The following GPRIN3 variants were observed in gnomAD, a reference collection of about 807,000 sequenced individuals.
GPRIN3 encodes the protein G protein-regulated inducer of neurite outgrowth 3.
Under a neutral mutation model 13.7 loss-of-function variants are expected in GPRIN3, and 12 were observed. The ratio of observed to expected loss-of-function variants is 0.87; its 90% CI spans 0.56 to 1.42. The LOEUF (loss-of-function observed/expected upper bound fraction) is 1.42. Among genes scored for constraint, GPRIN3 ranks in the 40% most tolerant of loss-of-function variants. The pLI, the probability that GPRIN3 is intolerant of heterozygous loss-of-function variation, is 0.00. For synonymous variants in GPRIN3, 377 were observed against 372.7 expected (o/e 1.01, Z -0.13); for missense variants, 1,009 against 958.7 (o/e 1.05, Z -0.69).
chr4:89,259,694 G>A lies in GPRIN3; in HGVS notation c.-123-9461C>T, dbSNP rs1345368791. ...TGCCTTTTTCTCTGGCTGCCACACT[G>A]CCCCCCTCTACCACCCCCAACTGTT... On this transcript the variant is annotated intron_variant, in intron 1 of 1. Transcript: ENST00000609438. Among the ~76,000 whole-genome samples, 3 of 151,924 alleles carry A rather than the reference G, an allele frequency of 2.0e-5. No individual in the cohort carries two copies. The East Asian group carries it at 5.8e-4, about 29-fold the overall frequency.
At chr4:89,289,998 G>C (rs185950495) in intron 1 of GPRIN3, among the ~76,000 whole-genome samples, 13 of 151,636 alleles carry the variant, frequency 8.6e-5, no homozygotes, top group African/African-American at 3.1e-4. Context: ...ACTATTCTCA[G>C]TGTTTTTGTT....
At position 89,286,095 on chromosome 4, in the gene GPRIN3, A is replaced by G. The variant is rs201300995; in HGVS notation, c.-124+21520T>C. Among the ~76,000 whole-genome samples, 440 of 105,750 alleles carry G rather than the reference A, an allele frequency of 4.2e-3. 6 individuals carry two copies. Among genetic ancestry groups the G allele is most frequent in the Middle Eastern group, 0.015 (3 of 206 alleles). 69.4% of individuals were successfully genotyped at this position (105,750 alleles called of 152,430 possible). A position where few individuals can be genotyped will look rare whatever the true frequency, so the allele number is the denominator to read the frequency against. ...TGTGTACGTGTATGTGTGTGTGTATATATATATATATATATATATGTAAAC... is the reference window on the plus strand; with the variant it reads ...TGTGTACGTGTATGTGTGTGTGTATGTATATATATATATATATATGTAAAC... On this transcript the variant is annotated intron_variant, in intron 1 of 1. Coordinates refer to ENST00000609438, the MANE Select transcript of GPRIN3 (RefSeq NM_198281.3).
intron 1 of GPRIN3, among the ~76,000 whole-genome samples, chr4:89,296,273 A>G (rs1209250989): frequency 2.0e-5 from 3 of 152,156 alleles, no homozygotes; most frequent in Non-Finnish European, 2.9e-5. Context: ...AGAAAAAAAA[A>G]TCAATTGCTA....
At chr4:89,277,653 C>G (rs987051993) in intron 1 of GPRIN3, among the ~76,000 whole-genome samples, 1 of 152,180 alleles carries the variant, frequency 6.6e-6, no homozygotes, top group Non-Finnish European at 1.5e-5. Flanking sequence ...GTGTCTGAGC[C>G]TTCTGGGCCC....
In GPRIN3 at chr4:89,249,537, G is replaced by C; in HGVS notation, c.574C>G (p.Pro192Ala). Reference protein sequence around the residue: ...KDQVSCEFPSPETIQGTVQTP... With the variant: ...KDQVSCEFPSAETIQGTVQTP... Reference sequence around the variant, plus strand: ...TGCACTGTTCCCTGGATTGTTTCTGGAGAAGGAAACTCACAGGACACCTGA... The same window carrying C: ...TGCACTGTTCCCTGGATTGTTTCTGCAGAAGGAAACTCACAGGACACCTGA... Residue 192 changes from proline to alanine, a missense_variant, in exon 2 of 2, where the codon CCA (proline) becomes GCA (alanine). Pro to Ala is a conservative substitution (Grantham distance 27, BLOSUM62 -1). Coordinates refer to ENST00000609438, the MANE Select transcript of GPRIN3 (RefSeq NM_198281.3). 6.2e-7 allele frequency: 1 copy of C among 1,614,140 alleles called. No homozygotes were observed. Among genetic ancestry groups the C allele is most frequent in the East Asian group, 2.2e-5 (1 of 44,886 alleles).
At chr4:89,283,784 G>A (rs866430802) in intron 1 of GPRIN3, among the ~76,000 whole-genome samples, 3 of 152,182 alleles carry the variant, frequency 2.0e-5, no homozygotes, top group African/African-American at 7.2e-5. Context: ...TAGATATACA[G>A]GCAGCCTACT....
Position 89,248,140 on chromosome 4 carries a change from T to C in GPRIN3, c.1971A>G (p.Gly657=). The part of the protein sequence containing the change: ...LNVTAAAAQV[G]LTPGDKKKQL... ...GCTTTTTCTTATCTCCTGGAGTGAG[T>C]CCTACCTGAGCAGCAGCTGCTGTCA... is the stretch of plus-strand genomic sequence containing the variant. Residue 657 remains glycine, a synonymous_variant, in exon 2 of 2, where the codon GGA becomes GGG. Coordinates refer to ENST00000609438, the MANE Select transcript of GPRIN3 (RefSeq NM_198281.3). 6.2e-7 allele frequency: 1 copy of C among 1,613,960 alleles called. No homozygotes were observed. The highest frequency in any genetic ancestry group is 8.5e-7 in the Non-Finnish European group (1 of 1,179,980).
chr4:89,285,905 G>C (rs1385141634), intron 1 of GPRIN3, among the ~76,000 whole-genome samples: 2 of 152,072 alleles, frequency 1.3e-5, no homozygotes, highest in Non-Finnish European at 2.9e-5. Context: ...TTTATCCTCA[G>C]GGGAAAGAGA....
At position 89,249,291 on chromosome 4, in the gene GPRIN3, G is replaced by A; in HGVS notation, c.820C>T (p.Pro274Ser). Reference protein sequence around the residue: ...TPQPTPLTSEPSACPPGPEKV... With the variant: ...TPQPTPLTSESSACPPGPEKV... The stretch of plus-strand genomic sequence containing the variant: ...TCTGGACCTGGGGGACATGCCGAAG[G>A]TTCGCTAGTGAGGGGGGTTGGTTGA... The change falls in exon 2 of 2, where the codon CCT (proline) becomes TCT (serine). Residue 274 changes from proline (P) to serine (S), a missense_variant. Pro to Ser is a moderately conservative substitution (Grantham distance 74). Transcript: ENST00000609438. The A allele has an allele frequency of 1.2e-6, 2 of 1,614,104 alleles. No individual in the cohort carries two copies. The highest frequency in any genetic ancestry group is 1.7e-6 in the Non-Finnish European group (2 of 1,180,032).
At chr4:89,257,907 A>T (rs922432969) in intron 1 of GPRIN3, among the ~76,000 whole-genome samples, 1 of 152,102 alleles carries the variant, frequency 6.6e-6, no homozygotes, top group African/African-American at 2.4e-5. Context: ...TGGACATTTT[A>T]AGAGCCATAG....
intron 1 of GPRIN3, among the ~76,000 whole-genome samples, chr4:89,270,078 TA>T (rs1471582091): frequency 6.6e-6 from 1 of 152,094 alleles, no homozygotes; most frequent in African/African-American, 2.4e-5. Context: ...ATGTTAAAGT[TA>T]CCAAAACAGA....
rs776420209 is a variant in GPRIN3 at position 89,248,127 on chromosome 4, C to T, written c.1984G>A (p.Asp662Asn). 1 of 1,614,176 alleles carries T rather than the reference C, an allele frequency of 6.2e-7. No homozygotes were observed. The highest frequency in any genetic ancestry group is 1.1e-5 in the South Asian group (1 of 91,086). Residue 662 changes from aspartate to asparagine, a missense_variant, in exon 2 of 2, where the codon GAT becomes AAT. Physicochemically the swap from Asp to Asn is conservative, Grantham distance 23. Transcript: ENST00000609438. ...TCTGCGCCAAGCTGCTTTTTCTTAT[C>T]TCCTGGAGTGAGTCCTACCTGAGCA... ...AAAQVGLTPG[D>N]KKKQLGADSK...
At chr4:89,294,284 C>A (rs1724671039) in intron 1 of GPRIN3, among the ~76,000 whole-genome samples, 1 of 152,164 alleles carries the variant, frequency 6.6e-6, no homozygotes, top group East Asian at 1.9e-4. Flanking sequence ...TGGTGGCTCA[C>A]ATTTGTAATC....
rs773911311 is a variant in GPRIN3, at chr4:89,250,010, C to T, written c.101G>A (p.Arg34Gln). ...DLGEPQAASP[R>Q]HRPALLCKNA... ...CTTACACAGGAGAGCTGGTCGATGC[C>T]GAGGTGAGGCAGCCTGTGGCTCTCC... The change falls in exon 2 of 2, where the codon CGG (arginine) becomes CAG (glutamine). Residue 34 changes from arginine to glutamine, a missense_variant. Arg to Gln is a conservative substitution (Grantham distance 43). Coordinates refer to ENST00000609438, the MANE Select transcript of GPRIN3 (RefSeq NM_198281.3). 13 of 1,614,046 alleles carry T rather than the reference C, an allele frequency of 8.1e-6. No individual in the cohort carries two copies. The highest frequency in any genetic ancestry group is 2.2e-5 in the South Asian group (2 of 91,082).
rs548856009 is a variant in GPRIN3, at chr4:89,269,023, T to C, written c.-123-18790A>G. Among the ~76,000 whole-genome samples, 7 of 152,290 alleles carry C rather than the reference T, an allele frequency of 4.6e-5. No individual in the cohort carries two copies. The East Asian group carries it at 9.6e-4, about 21-fold the overall frequency. On this transcript the variant is annotated intron_variant, in intron 1 of 1. Transcript: ENST00000609438. ...AAAGGAGAAGCTCATGAGTTTGAGG[T>C]ATGATTGATATGCATGGCTATGAAG...
chr4:89,250,613 A>G (rs972487605), intron 1 of GPRIN3: 2 of 152,744 alleles, frequency 1.3e-5, no homozygotes, highest in African/African-American at 4.8e-5. Context: ...ATAAGTAAGT[A>G]TTGAAGTAGG....
At chr4:89,262,376 A>C (rs1296039013) in intron 1 of GPRIN3, among the ~76,000 whole-genome samples, 1 of 152,148 alleles carries the variant, frequency 6.6e-6, no homozygotes, top group Admixed American at 6.5e-5. Flanking sequence ...GGGGGACAGA[A>C]TGGATGGAAC....
intron 1 of GPRIN3, among the ~76,000 whole-genome samples, chr4:89,298,629 C>A (rs768767053): frequency 2.0e-5 from 3 of 151,828 alleles, no homozygotes; most frequent in Non-Finnish European, 4.4e-5. Flanking sequence ...AATTTTGAGT[C>A]CCTAGCACAC....
At chr4:89,250,714 T>C (rs1723304571) in intron 1 of GPRIN3, 2 of 150,564 alleles carry the variant, frequency 1.3e-5, no homozygotes, top group Admixed American at 1.3e-4. Flanking sequence ...TACAATTTGG[T>C]GGTGAAAGGC....
Sources: gnomAD v4.1 joint callset for allele counts (sites outside exome capture counted in the v4.1 genomes callset) on GRCh38, gnomAD v4.1.1 for gene constraint, MANE v1.5 for transcripts, NCBI Gene and HGNC (gene_info 2026-07-23, HGNC 2026-07-21) for gene names.